Variants in PI4KA observed in about 807,000 individuals in gnomAD.
PI4KA encodes PI4-kinase alpha.
A neutral mutation model predicts 271.4 loss-of-function variants in PI4KA; 122 were observed. The observed-to-expected ratio is 0.45, with a 90% CI of 0.39 to 0.52. The LOEUF is 0.52. PI4KA is among the 20% of genes least tolerant of loss of function. PI4KA has a pLI of 0.00. For missense variants in PI4KA, 1,969 were observed against 2,769.1 expected, an observed-to-expected ratio of 0.71 and a Z score of 6.48; for synonymous variants, 1,041 against 1,078.8, an observed-to-expected ratio of 0.96 and a Z score of 0.69.
At chr22:20,724,152 A>AAG (rs1927073056) in intron 42 of PI4KA, among the ~76,000 whole-genome samples, 1 of 129,766 alleles carries the variant, frequency 7.7e-6, no homozygotes, top group Admixed American at 8.0e-5. Flanking sequence ...ATTAATTAAA[A>AAG]TAATTAACCA....
intron 1 of PI4KA, among the ~76,000 whole-genome samples, chr22:20,845,984 G>A (rs538699307): frequency 2.6e-4 from 39 of 152,274 alleles, no homozygotes; most frequent in African/African-American, 6.3e-4. Flanking sequence ...TCAGCCGGGC[G>A]CTGTGGCTCA....
chr22:20,725,273 T>G (rs1352210206), intron 42 of PI4KA: 2 of 194,694 alleles, frequency 1.0e-5, no homozygotes, highest in Admixed American at 1.0e-4. Context: ...CAGGGTGCAG[T>G]GGGCAGGCTG....
chr22:20,822,577 C>A (rs1922853513), intron 4 of PI4KA, among the ~76,000 whole-genome samples: 1 of 152,224 alleles, frequency 6.6e-6, no homozygotes, highest in Admixed American at 6.5e-5. Context: ...GCTTGTTTTG[C>A]TCCAATGACA....
At position 20,762,852 on chromosome 22, in the gene PI4KA, T is replaced by C. The variant is rs867284339; in HGVS notation, c.2709-1466A>G. On this transcript the variant is annotated intron_variant, in intron 22 of 54. Transcript: ENST00000255882. The stretch of plus-strand genomic sequence containing the variant: ...AGATTTTGTATAAATGTTTTGTTTT[T>C]ATAAGACAGGGTCTTTTGCCCAGGC... 2.6e-5 allele frequency among the ~76,000 whole-genome samples: 4 copies of C among 152,332 alleles called. No individual in the cohort carries two copies. In the Middle Eastern group the frequency reaches 0.01, roughly 389 times the overall value.
intron 19 of PI4KA, among the ~76,000 whole-genome samples, chr22:20,774,622 GTGGTGGCACGCGCC>G (rs1285143460): frequency 6.6e-6 from 1 of 152,046 alleles, no homozygotes; most frequent in Non-Finnish European, 1.5e-5. Flanking sequence ...TTAGCTGGGC[GTGGTGGCACGCGCC>G]TGTAATCCCA....
At chr22:20,814,881 A>C (rs1017194313) in intron 7 of PI4KA, among the ~76,000 whole-genome samples, 1 of 151,428 alleles carries the variant, frequency 6.6e-6, no homozygotes, top group African/African-American at 2.4e-5. Context: ...CCCAGACCCA[A>C]TGCAGTGGCT....
At chr22:20,845,742 G>A (rs1404999633) in intron 1 of PI4KA, among the ~76,000 whole-genome samples, 3 of 152,218 alleles carry the variant, frequency 2.0e-5, no homozygotes, top group Non-Finnish European at 4.4e-5. Flanking sequence ...GGAAGTGCCT[G>A]TAATCCCAGC....
chr22:20,722,162 T>C (rs1017769262), intron 42 of PI4KA, among the ~76,000 whole-genome samples: 1 of 152,160 alleles, frequency 6.6e-6, no homozygotes, highest in African/African-American at 2.4e-5. Context: ...CCTTTATAAA[T>C]TACCCAGTCT....
rs1928253455 is a variant in PI4KA, at chr22:20,732,960, T to C, written c.4288+11A>G. On this transcript the variant is annotated intron_variant, in intron 36 of 54. Transcript: ENST00000255882. The stretch of plus-strand genomic sequence containing the variant: ...GCCTCCACCATGAGCAGCTGCACTG[T>C]TGAGGGTTACCTGGGGGAACAAGCT... 1 of 1,611,372 alleles carries C rather than the reference T, an allele frequency of 6.2e-7. No homozygotes were observed. The highest frequency in any genetic ancestry group is 1.7e-5 in the Admixed American group (1 of 59,994).
chr22:20,754,526 T>C (rs955033259), intron 23 of PI4KA, among the ~76,000 whole-genome samples: 3 of 152,238 alleles, frequency 2.0e-5, no homozygotes, highest in African/African-American at 7.2e-5. Context: ...GAAGATACTT[T>C]GAAGTTATGC....
rs1486186856 is a variant in PI4KA, at chr22:20,824,331, C to A, written c.451G>T (p.Asp151Tyr). ...DVAYRDPSLR[D>Y]EILEVLLQVL... ...ATCAACCAACACATGCTTACCTCATCCCTAAGTGAAGGATCCCTATAGGCC... is the reference window on the plus strand; with the variant it reads ...ATCAACCAACACATGCTTACCTCATACCTAAGTGAAGGATCCCTATAGGCC... Residue 151 changes from aspartate to tyrosine, a missense_variant, in exon 4 of 55, where the codon GAT becomes TAT. Coordinates refer to ENST00000255882, the MANE Select transcript of PI4KA (RefSeq NM_058004.4). 1 of 1,604,380 alleles carries A rather than the reference C, an allele frequency of 6.2e-7. No homozygotes were observed. The highest frequency in any genetic ancestry group is 8.5e-7 in the Non-Finnish European group (1 of 1,171,224).
At chr22:20,764,590 A>G (rs938762024) in intron 22 of PI4KA, 2 of 490,896 alleles carry the variant, frequency 4.1e-6, no homozygotes, top group African/African-American at 2.0e-5. Context: ...CCTATCAGAG[A>G]GAAGATGATG....
chr22:20,748,096 C>T (rs1930304019), intron 28 of PI4KA, among the ~76,000 whole-genome samples: 2 of 152,200 alleles, frequency 1.3e-5, no homozygotes, highest in Admixed American at 1.3e-4. Flanking sequence ...GCAAATGGAC[C>T]AAACACTGGG....
chr22:20,817,982 G>A (rs1922067520), intron 7 of PI4KA, among the ~76,000 whole-genome samples: 1 of 151,786 alleles, frequency 6.6e-6, no homozygotes, highest in African/African-American at 2.4e-5. Flanking sequence ...AAAATTAGCT[G>A]AGCATGCTGG....
At chr22:20,854,092 C>T (rs1320986052) in intron 1 of PI4KA, among the ~76,000 whole-genome samples, 1 of 152,048 alleles carries the variant, frequency 6.6e-6, no homozygotes, top group Non-Finnish European at 1.5e-5. Context: ...TACCAAGGAG[C>T]AGCAGGAGCT....
intron 22 of PI4KA, among the ~76,000 whole-genome samples, chr22:20,763,410 G>A (rs972965621): frequency 6.0e-5 from 9 of 150,846 alleles, no homozygotes; most frequent in African/African-American, 1.2e-4. Context: ...GCAACCGGCC[G>A]TGCCTAGCCA....
intron 19 of PI4KA, among the ~76,000 whole-genome samples, chr22:20,789,361 G>A (rs1934482897): frequency 1.3e-5 from 2 of 151,928 alleles, no homozygotes; most frequent in Non-Finnish European, 2.9e-5. Context: ...ACGGAGTCTC[G>A]CTCTGTTGCC....
At chr22:20,851,660 G>T (rs779598046) in intron 1 of PI4KA, among the ~76,000 whole-genome samples, 2 of 152,102 alleles carry the variant, frequency 1.3e-5, no homozygotes, top group Non-Finnish European at 2.9e-5. Context: ...CTGAATCCAG[G>T]CTTCCAGATA....
intron 2 of PI4KA, among the ~76,000 whole-genome samples, chr22:20,838,220 T>C (rs1420806398): frequency 2.0e-5 from 3 of 151,990 alleles, no homozygotes; most frequent in African/African-American, 7.2e-5. Context: ...TTACCTAAAA[T>C]GATTTTGTCC....
Sources: allele counts gnomAD v4.1 joint callset (sites outside exome capture counted in the v4.1 genomes callset), GRCh38; gene constraint gnomAD v4.1.1; transcripts MANE v1.5; gene names NCBI Gene and HGNC (gene_info 2026-07-23, HGNC 2026-07-21).